The following FPGS variants were observed in gnomAD, a reference collection of about 807,000 sequenced individuals.
FPGS encodes folylpolyglutamate synthase, also known as folylpolyglutamate synthase, mitochondrial.
In FPGS, 53 loss-of-function variants were observed where a neutral mutation model predicts 66.5. The ratio of observed to expected loss-of-function variants is 0.80; its 90% confidence interval spans 0.64 to 1.00. The LOEUF (loss-of-function observed/expected upper bound fraction) is 1.00. FPGS is among the 50% of genes least tolerant of loss of function. FPGS has a pLI of 0.00. For missense variants in FPGS, 702 were observed against 807.7 expected (o/e 0.87, Z 1.59); for synonymous variants, 348 against 350.9 (o/e 0.99, Z 0.09).
At chr9:127,804,721 G>A in intron 4 of FPGS, 21 bp downstream of exon 4, 1 of 1,613,016 alleles carries the variant, frequency 6.2e-7, no homozygotes, top group Non-Finnish European at 8.5e-7. Flanking sequence ...GTGGGGGGAT[G>A]TGGTGTCTGT....
intron 12 of FPGS, 52 bp from the exon 13 acceptor site, chr9:127,809,970 GATTGGTACC>G: frequency 6.6e-7 from 1 of 1,524,860 alleles, no homozygotes; most frequent in Non-Finnish European, 8.9e-7. Context: ...GCGGGGACGG[GATTGGTACC>G]GCAGGGAGAA....
chr9:127,808,859 G>T lies in FPGS; in HGVS notation c.1030G>T (p.Val344Leu). 1 of 1,562,794 alleles carries T rather than the reference G, an allele frequency of 6.4e-7. No individual in the cohort carries two copies. Among genetic ancestry groups the T allele is most frequent in the Non-Finnish European group, 8.7e-7 (1 of 1,153,992 alleles). Residue 344 changes from valine (V) to leucine (L), a missense_variant, in exon 11 of 15, where the codon GTG (valine) becomes TTG (leucine). By Grantham distance (32) the Val-to-Leu change is conservative (BLOSUM62 1). Around this residue, in one of 3 missense-constraint regions of FPGS, gnomAD observed 351 missense variants for 363.7 expected, o/e 0.97. Coordinates refer to ENST00000373247, the MANE Select transcript of FPGS (RefSeq NM_004957.6). ...CCTGTGGCAGCTGCCCCTGGCACCT[G>T]TGTTCCAGCCCACATCCCACATGCG... ...GLLWQLPLAP[V>L]FQPTSHMRLG...
At chr9:127,812,799 T>C (rs1292574534) in intron 14 of FPGS, among the ~76,000 whole-genome samples, 1 of 152,124 alleles carries the variant, frequency 6.6e-6, no homozygotes, top group African/African-American at 2.4e-5. Flanking sequence ...AGTGCTGGGA[T>C]TACAAGTGTG....
intron 1 of FPGS, 124 bp downstream of exon 1, chr9:127,803,186 G>T (rs540121654): frequency 3.2e-6 from 4 of 1,258,136 alleles, no homozygotes; most frequent in Non-Finnish European, 3.0e-6. Context: ...GGGGGACTCG[G>T]GGGGCGGAAC....
chr9:127,808,121 A>AGAAAC, intron 8 of FPGS, 113 bp from the exon 9 acceptor site: 1 of 771,996 alleles, frequency 1.3e-6, no homozygotes. Context: ...AGAAAAGAAA[A>AGAAAC]GAAACATGAG....
At chr9:127,809,028 G>A in intron 11 of FPGS, 139 bp downstream of exon 11, 1 of 673,948 alleles carries the variant, frequency 1.5e-6, no homozygotes, top group Admixed American at 3.0e-5. Flanking sequence ...GGACTCTGAT[G>A]TCAGCAAACC....
At chr9:127,804,467 G>C (rs774124647) in intron 2 of FPGS, 32 bp from the exon 3 acceptor site, 5 of 1,613,964 alleles carry the variant, frequency 3.1e-6, no homozygotes, top group Non-Finnish European at 3.4e-6. Context: ...GATTCCCGTA[G>C]CTGAGGCAGG....
At chr9:127,806,610 T>C (rs975218825) in intron 4 of FPGS, 2 of 232,834 alleles carry the variant, frequency 8.6e-6, no homozygotes, top group South Asian at 8.5e-5. Context: ...AGCTTGAACA[T>C]TGGTTGTGGG....
At chr9:127,810,885 T>G (rs1830044051) in intron 13 of FPGS, 60 bp from the exon 14 acceptor site, 1 of 877,770 alleles carries the variant, frequency 1.1e-6, no homozygotes, top group Admixed American at 2.1e-5. Context: ...GGGGGCCATA[T>G]GGAAGTTGGT....
intron 11 of FPGS, 47 bp downstream of exon 11, chr9:127,808,936 G>T: frequency 7.8e-7 from 1 of 1,274,816 alleles, no homozygotes. Context: ...GTGTGTCTGT[G>T]CCCCTTCAGA....
intron 14 of FPGS, among the ~76,000 whole-genome samples, chr9:127,812,179 G>A (rs989202553): frequency 6.6e-6 from 1 of 152,128 alleles, no homozygotes. Flanking sequence ...AGCCTGGAAG[G>A]TGGAGGCTGC....
At chr9:127,809,077 C>CAAAG (rs879618007) in intron 11 of FPGS, among the ~76,000 whole-genome samples, 188 bp downstream of exon 11, 3,042 of 151,448 alleles carry the variant, frequency 0.02, 119 homozygotes, top group African/African-American at 0.069. Context: ...CTGAGCCTGT[C>CAAAG]TTCTCATCTG....
chr9:127,806,135 G>A (rs10122277), intron 4 of FPGS, among the ~76,000 whole-genome samples: 2,809 of 152,244 alleles, frequency 0.018, 101 homozygotes, highest in African/African-American at 0.063. Flanking sequence ...TTGGGAGGCC[G>A]AAGCAGGCAG....
In FPGS at chr9:127,803,063, G is replaced by T; in HGVS notation, c.138+1G>T. 4 of 1,396,812 alleles carry T rather than the reference G, an allele frequency of 2.9e-6. No individual in the cohort carries two copies. The highest frequency in any genetic ancestry group is 3.7e-6 in the Non-Finnish European group (4 of 1,081,546). The allele number at this position is 1,396,812 out of a possible 1,614,324, so 86.5% of individuals were successfully genotyped here. On this transcript the variant is annotated splice_donor_variant, in intron 1 of 14. Coordinates refer to ENST00000373247, the MANE Select transcript of FPGS (RefSeq NM_004957.6). LOFTEE classifies it high-confidence loss of function. ...GCAGGAGCCGAGCATGGAGTACCAG[G>T]TATCAGGCGGGCCAGCGGGCCAGCG...
In FPGS at chr9:127,813,823, G is replaced by A. The variant is rs113628818; in HGVS notation, c.*219G>A. On this transcript the variant is annotated 3_prime_UTR_variant, in exon 15 of 15. Transcript: ENST00000373247. ...GGCTGAGATAGCAGAGGGGCTCCCC[G>A]GGTCTCTCACTGTTGCAGTGGCCTG... The A allele has an allele frequency of 2.5e-4, 320 of 1,262,692 alleles. No homozygotes were observed. The highest frequency in any genetic ancestry group is 8.5e-4 in the African/African-American group (55 of 64,774). The allele number at this position is 1,262,692 out of a possible 1,614,324, so 78.2% of individuals were successfully genotyped here.
rs1420899999 is a variant in FPGS, at chr9:127,813,544, T to C, written c.1704T>C (p.Thr568=). The change falls in exon 15 of 15, where the codon ACT becomes ACC. Residue 568 remains threonine, a synonymous_variant. Coordinates refer to ENST00000373247, the MANE Select transcript of FPGS (RefSeq NM_004957.6). ...CTGCTGCCATCCATGTGCTAGTCAC[T>C]GGCAGCCTGCACCTGGTGGGTGGTG... ...REAAAIHVLV[T]GSLHLVGGVL... 2 of 1,601,046 alleles carry C rather than the reference T, an allele frequency of 1.2e-6. No homozygotes were observed. The highest frequency in any genetic ancestry group is 1.3e-5 in the African/African-American group (1 of 74,708).
At position 127,813,758 on chromosome 9, in the gene FPGS, T is replaced by C; in HGVS notation, c.*154T>C. On this transcript the variant is annotated 3_prime_UTR_variant, in exon 15 of 15. Coordinates refer to ENST00000373247, the MANE Select transcript of FPGS (RefSeq NM_004957.6). The stretch of plus-strand genomic sequence containing the variant: ...TGGGATGGGAGGCCGGGAGAGGATG[T>C]CTTTTTTAAGGCTCTGTGCCTTGGT... 1 of 1,317,244 alleles carries C rather than the reference T, an allele frequency of 7.6e-7. No individual in the cohort carries two copies. The highest frequency in any genetic ancestry group is 9.6e-7 in the Non-Finnish European group (1 of 1,040,128). The allele number at this position is 1,317,244 out of a possible 1,614,324, so 81.6% of individuals were successfully genotyped here.
intron 14 of FPGS, among the ~76,000 whole-genome samples, chr9:127,812,537 T>C (rs1830122431): frequency 6.6e-6 from 1 of 150,940 alleles, no homozygotes; most frequent in Admixed American, 6.6e-5. Flanking sequence ...AGTCTTGCTC[T>C]GTCGCCCAGG....
Position 127,807,044 on chromosome 9 carries a change from C to G in FPGS, c.458C>G (p.Thr153Ser). ...NGQPISPELF[T>S]KYFWRLYHRL... ...CAGCCCATCAGTCCTGAGCTCTTCA[C>G]CAAGTACTTCTGGCGCCTCTACCAC... The change falls in exon 5 of 15, where the codon ACC becomes AGC. Residue 153 changes from threonine to serine, a missense_variant. Physicochemically the swap from Thr to Ser is moderately conservative, Grantham distance 58 (BLOSUM62 1). Coordinates refer to ENST00000373247, the MANE Select transcript of FPGS (RefSeq NM_004957.6). This position sits in a 1 kb window ranked among gnomAD's most constrained non-coding sequence, Gnocchi z 5.8. The G allele has an allele frequency of 1.2e-6, 2 of 1,614,154 alleles. No homozygotes were observed. Among genetic ancestry groups the G allele is most frequent in the Non-Finnish European group, 1.7e-6 (2 of 1,180,026 alleles).
Sources: gnomAD v4.1 joint callset for allele counts (sites outside exome capture counted in the v4.1 genomes callset) on GRCh38, gnomAD v4.1.1 for gene constraint, gnomAD v4.1.1 regional missense constraint, Gnocchi (gnomAD v3.1) non-coding constraint, MANE v1.5 for transcripts, NCBI Gene and HGNC (gene_info 2026-07-23, HGNC 2026-07-21) for gene names.